Variants in LRRC7 observed in about 807,000 individuals in gnomAD.
The protein encoded by LRRC7 is leucine rich repeat containing 7, also known as leucine-rich repeat-containing protein 7.
A neutral mutation model predicts 175.7 loss-of-function variants in LRRC7; 23 were observed. The ratio of observed to expected loss-of-function variants is 0.13; its 90% CI spans 0.09 to 0.19. The LOEUF is 0.19. Ranked by LOEUF, LRRC7 falls within the 10% of genes least tolerant of loss-of-function variation. LRRC7 has a pLI of 1.00. For missense variants in LRRC7, 1,354 were observed against 1,904.7 expected, an observed-to-expected ratio of 0.71 and a Z score of 5.38; for synonymous variants, 685 against 680.9, an observed-to-expected ratio of 1.01 and a Z score of -0.09.
intron 2 of LRRC7, among the ~76,000 whole-genome samples, chr1:69,699,223 T>C (rs1273921695): frequency 2.0e-5 from 3 of 152,146 alleles, no homozygotes; most frequent in Admixed American, 1.3e-4. Flanking sequence ...TTCAAACTAC[T>C]GTGAGCTATT....
chr1:69,741,217 AT>A (rs1430984915), intron 2 of LRRC7, among the ~76,000 whole-genome samples: 1 of 152,006 alleles, frequency 6.6e-6, no homozygotes, highest in African/African-American at 2.4e-5. Flanking sequence ...ATGCCAAGTT[AT>A]GCTTAAATTT....
intron 7 of LRRC7, among the ~76,000 whole-genome samples, chr1:69,857,035 C>A (rs1270033239): frequency 6.6e-6 from 1 of 152,112 alleles, no homozygotes; most frequent in Non-Finnish European, 1.5e-5. Flanking sequence ...TCAATAGATG[C>A]AGAAAAGGCC....
At chr1:69,627,258 T>A (rs1334954466) in intron 1 of LRRC7, among the ~76,000 whole-genome samples, 1 of 152,192 alleles carries the variant, frequency 6.6e-6, no homozygotes, top group Non-Finnish European at 1.5e-5. Context: ...TTTTTAATGA[T>A]CACCATTCTA....
At chr1:70,005,122 T>A (rs1030272998) in intron 11 of LRRC7, among the ~76,000 whole-genome samples, 10 of 152,024 alleles carry the variant, frequency 6.6e-5, no homozygotes, top group African/African-American at 2.2e-4. Flanking sequence ...ATATATTTAC[T>A]CTTCATTGAA....
At chr1:69,681,110 A>G (rs17325181) in intron 2 of LRRC7, among the ~76,000 whole-genome samples, 31,750 of 152,066 alleles carry the variant, frequency 0.21, 3,468 homozygotes, top group South Asian at 0.29. Context: ...GAGGTTCTAA[A>G]TAAATATCAT....
chr1:70,043,160 A>G (rs1047874459), intron 21 of LRRC7, among the ~76,000 whole-genome samples: 1 of 152,186 alleles, frequency 6.6e-6, no homozygotes, highest in Admixed American at 6.5e-5. Flanking sequence ...TAGGAAAAAA[A>G]TTATCTATCA....
chr1:70,095,805 AT>A (rs1290985601), intron 25 of LRRC7, among the ~76,000 whole-genome samples: 1 of 152,186 alleles, frequency 6.6e-6, no homozygotes, highest in Non-Finnish European at 1.5e-5. Flanking sequence ...GAACCTAAAC[AT>A]TTTTTAATCA....
At position 70,139,406 on chromosome 1, in the gene LRRC7, T is replaced by C. The variant is rs1456297183; in HGVS notation, c.*17519T>C. On this transcript the variant is annotated 3_prime_UTR_variant, in exon 27 of 27. Transcript: ENST00000651989. ...AGCATGTCTAGTGAAATCTGTCCAG[T>C]GTACGTAACACTGCACAAAGAGCAT... 7.9e-5 allele frequency: 12 copies of C among 152,194 alleles called. No homozygotes were observed. Among genetic ancestry groups the C allele is most frequent in the Admixed American group, 2.0e-4 (3 of 15,262 alleles). The allele number at this position is 152,194 out of a possible 1,614,324, so 9.4% of individuals were successfully genotyped here. A position where few individuals can be genotyped will look rare whatever the true frequency, so the allele number is the denominator to read the frequency against.
intron 18 of LRRC7, among the ~76,000 whole-genome samples, chr1:70,029,821 G>A (rs1658518442): frequency 6.6e-6 from 1 of 152,116 alleles, no homozygotes; most frequent in Non-Finnish European, 1.5e-5. Flanking sequence ...GGATAGATGA[G>A]ACTTTGGTTA....
intron 8 of LRRC7, 129 bp downstream of exon 8, chr1:69,931,699 G>A: frequency 2.7e-6 from 2 of 742,380 alleles, no homozygotes; most frequent in Non-Finnish European, 4.4e-6. Context: ...GTAAAAACCT[G>A]GAAGTTAATA....
intron 1 of LRRC7, among the ~76,000 whole-genome samples, chr1:69,624,008 G>A (rs993506372): frequency 5.3e-5 from 8 of 151,898 alleles, no homozygotes; most frequent in South Asian, 4.1e-4. Flanking sequence ...CATTCATTTC[G>A]TGTACATGTG....
intron 1 of LRRC7, among the ~76,000 whole-genome samples, chr1:69,653,327 CATGGGCA>C (rs1463701949): frequency 2.6e-5 from 4 of 151,584 alleles, no homozygotes; most frequent in African/African-American, 9.7e-5. Flanking sequence ...TTTTAGGGTA[CATGGGCA>C]CAATTTTTTC....
intron 26 of LRRC7, among the ~76,000 whole-genome samples, chr1:70,118,330 T>C (rs1192413411): frequency 3.3e-5 from 5 of 150,440 alleles, no homozygotes; most frequent in Non-Finnish European, 1.5e-5. Context: ...TATTCTATTA[T>C]CTCCTTCCAC....
chr1:69,798,922 A>T (rs1298575303), intron 4 of LRRC7, among the ~76,000 whole-genome samples: 1 of 152,080 alleles, frequency 6.6e-6, no homozygotes, highest in Non-Finnish European at 1.5e-5. Flanking sequence ...ATATAAGAGT[A>T]GCTTCATGCT....
intron 7 of LRRC7, chr1:69,873,330 C>T: frequency 2.4e-6 from 1 of 420,064 alleles, no homozygotes; most frequent in East Asian, 6.3e-5. Flanking sequence ...TACTTAAAAC[C>T]TATTTCTACA....
intron 11 of LRRC7, 75 bp from the exon 12 acceptor site, chr1:70,011,722 T>C: frequency 9.8e-7 from 1 of 1,015,766 alleles, no homozygotes; most frequent in Non-Finnish European, 1.5e-6. Context: ...TTGGTGAATT[T>C]TGGATATGTG....
At chr1:69,756,878 TA>T (rs920593477) in intron 2 of LRRC7, among the ~76,000 whole-genome samples, 1 of 151,932 alleles carries the variant, frequency 6.6e-6, no homozygotes, top group African/African-American at 2.4e-5. Context: ...CACTCCAGAC[TA>T]AATCAAAAAG....
intron 11 of LRRC7, among the ~76,000 whole-genome samples, chr1:70,000,816 G>A (rs1655451963): frequency 6.6e-6 from 1 of 152,144 alleles, no homozygotes; most frequent in South Asian, 2.1e-4. Context: ...TGAAGGGCCT[G>A]GGTTCTGCCC....
intron 1 of LRRC7, among the ~76,000 whole-genome samples, chr1:69,616,383 A>C (rs1437825053): frequency 6.6e-6 from 1 of 152,054 alleles, no homozygotes; most frequent in East Asian, 1.9e-4. Context: ...ACATAAATCC[A>C]TAATAGTACC....
Sources: gnomAD v4.1 joint callset for allele counts (sites outside exome capture counted in the v4.1 genomes callset) on GRCh38, gnomAD v4.1.1 for gene constraint, MANE v1.5 for transcripts, NCBI Gene and HGNC (gene_info 2026-07-23, HGNC 2026-07-21) for gene names.